DAPK1: variants seen among roughly 807,000 people sequenced by gnomAD.
DAPK1 encodes the protein death-associated protein kinase 1.
Under a neutral mutation model 144.9 loss-of-function variants are expected in DAPK1, and 56 were observed. That is an observed-to-expected ratio of 0.39 (90% confidence interval 0.31 to 0.48). DAPK1 has a LOEUF of 0.48. Among genes scored for constraint, DAPK1 ranks in the 20% least tolerant of loss-of-function variants. DAPK1 has a pLI of 0.95. For missense variants in DAPK1, 1,454 were observed against 1,875.4 expected, an observed-to-expected ratio of 0.78 and a Z score of 4.15; for synonymous variants, 690 against 749.0, an observed-to-expected ratio of 0.92 and a Z score of 1.29.
chr9:87,623,808 C>T lies in DAPK1; in HGVS notation c.285-14135C>T, dbSNP rs141493440. On this transcript the variant is annotated intron_variant, in intron 3 of 25. Coordinates refer to ENST00000408954, the MANE Select transcript of DAPK1 (RefSeq NM_004938.4). Reference sequence around the variant, plus strand: ...CATTTGAGCTCATTTAATGTAGAGACGGTGAAAAAACATCCACCTCTGTAG... The same window carrying T: ...CATTTGAGCTCATTTAATGTAGAGATGGTGAAAAAACATCCACCTCTGTAG... 4.7e-3 allele frequency among the ~76,000 whole-genome samples: 718 copies of T among 152,162 alleles called. 6 individuals carry two copies. The highest frequency in any genetic ancestry group is 7.5e-3 in the Non-Finnish European group (513 of 68,008).
chr9:87,605,814 C>G (rs923744537), intron 3 of DAPK1, among the ~76,000 whole-genome samples: 1 of 152,180 alleles, frequency 6.6e-6, no homozygotes, highest in South Asian at 2.1e-4. Flanking sequence ...TCCCACCCCT[C>G]CAGTCCCCAG....
At chr9:87,604,132 G>C (rs1193966237) in intron 2 of DAPK1, among the ~76,000 whole-genome samples, 1 of 152,100 alleles carries the variant, frequency 6.6e-6, no homozygotes, top group Non-Finnish European at 1.5e-5. Context: ...ACTAAGAGTG[G>C]CTCTCCTCAT....
At chr9:87,511,095 T>C (rs1824823914) in intron 2 of DAPK1, among the ~76,000 whole-genome samples, 1 of 152,164 alleles carries the variant, frequency 6.6e-6, no homozygotes, top group Non-Finnish European at 1.5e-5. Flanking sequence ...GGGTGAGGGC[T>C]CACTTCTCCT....
Position 87,637,994 on chromosome 9 carries a change from T to C in DAPK1, c.336T>C (p.Thr112=). Residue 112 remains threonine, a synonymous_variant, in exon 4 of 26, where the codon ACT becomes ACC. Coordinates refer to ENST00000408954, the MANE Select transcript of DAPK1 (RefSeq NM_004938.4). ...FDFLAEKESL[T]EEEATEFLKQ... ...TCTTAGCTGAAAAGGAATCTTTAAC[T>C]GAAGAGGAAGCAACTGAATTTCTCA... The C allele has an allele frequency of 3.7e-6, 6 of 1,614,152 alleles. No individual in the cohort carries two copies. Among genetic ancestry groups the C allele is most frequent in the Admixed American group, 1.7e-5 (1 of 60,024 alleles).
intron 2 of DAPK1, among the ~76,000 whole-genome samples, chr9:87,508,482 A>C (rs7856013): frequency 0.015 from 2,212 of 151,936 alleles, 45 homozygotes; most frequent in African/African-American, 0.051. Context: ...AGCTGGGACT[A>C]CAGGTGCCCG....
intron 18 of DAPK1, among the ~76,000 whole-genome samples, chr9:87,666,448 A>T (rs1831054915): frequency 1.3e-5 from 2 of 149,154 alleles, no homozygotes; most frequent in Admixed American, 1.3e-4. Context: ...AAACATTTTT[A>T]TTTTATATAT....
chr9:87,608,348 A>G (rs907856223), intron 3 of DAPK1, among the ~76,000 whole-genome samples: 1 of 152,320 alleles, frequency 6.6e-6, no homozygotes, highest in Non-Finnish European at 1.5e-5. Context: ...ACTGAGTAGT[A>G]TTTCATTGTA....
intron 3 of DAPK1, among the ~76,000 whole-genome samples, chr9:87,618,460 C>G (rs1829175613): frequency 6.6e-6 from 1 of 152,186 alleles, no homozygotes; most frequent in African/African-American, 2.4e-5. Flanking sequence ...AAATATATTT[C>G]CACATGAAAA....
intron 3 of DAPK1, among the ~76,000 whole-genome samples, chr9:87,616,583 A>G (rs1463655450): frequency 6.6e-6 from 1 of 152,188 alleles, no homozygotes; most frequent in South Asian, 2.1e-4. Context: ...TCCTACCAGG[A>G]AACAGACGGC....
At chr9:87,623,711 A>T (rs1564028602) in intron 3 of DAPK1, among the ~76,000 whole-genome samples, 1 of 152,056 alleles carries the variant, frequency 6.6e-6, no homozygotes, top group Non-Finnish European at 1.5e-5. Context: ...AGAGGAAGGG[A>T]TTGTGCCGGG....
chr9:87,595,151 G>A (rs893492593), intron 2 of DAPK1, among the ~76,000 whole-genome samples: 1 of 152,180 alleles, frequency 6.6e-6, no homozygotes, highest in African/African-American at 2.4e-5. Context: ...CTGGACTTCA[G>A]AATGCTTCAA....
intron 3 of DAPK1, among the ~76,000 whole-genome samples, chr9:87,618,656 T>C (rs1829182737): frequency 6.6e-6 from 1 of 152,240 alleles, no homozygotes; most frequent in East Asian, 1.9e-4. Context: ...CCAGACCCAA[T>C]AGACCACCCA....
At chr9:87,564,560 C>T (rs561316208) in intron 2 of DAPK1, among the ~76,000 whole-genome samples, 202 of 125,494 alleles carry the variant, frequency 1.6e-3, no homozygotes, top group African/African-American at 5.8e-3. Context: ...TATTTCATGG[C>T]AGAAGGCAAG....
chr9:87,644,116 A>G (rs1038925701), intron 11 of DAPK1, among the ~76,000 whole-genome samples: 1 of 152,126 alleles, frequency 6.6e-6, no homozygotes, highest in Non-Finnish European at 1.5e-5. Flanking sequence ...AGTGGCAAAG[A>G]TTTATCAAAT....
chr9:87,691,716 C>T (rs1185721199), intron 21 of DAPK1, among the ~76,000 whole-genome samples: 2 of 151,938 alleles, frequency 1.3e-5, no homozygotes, highest in South Asian at 2.1e-4. Flanking sequence ...TTTTAAATTT[C>T]TCCCCTAATT....
At chr9:87,581,020 C>G (rs1827736568) in intron 2 of DAPK1, among the ~76,000 whole-genome samples, 1 of 152,232 alleles carries the variant, frequency 6.6e-6, no homozygotes, top group South Asian at 2.1e-4. Flanking sequence ...ACAGAGTTAG[C>G]AGAATGAACG....
intron 3 of DAPK1, among the ~76,000 whole-genome samples, chr9:87,610,222 A>G (rs1284388533): frequency 3.3e-5 from 5 of 152,258 alleles, no homozygotes; most frequent in Admixed American, 2.0e-4. Flanking sequence ...TCAGCATAGC[A>G]TATACCTGAA....
At chr9:87,640,038 C>T (rs1460413360) in intron 7 of DAPK1, among the ~76,000 whole-genome samples, 1 of 152,194 alleles carries the variant, frequency 6.6e-6, no homozygotes, top group Non-Finnish European at 1.5e-5. Context: ...TGAAAGAAAG[C>T]ATAGCTGTCC....
At chr9:87,578,650 AT>A (rs1827643601) in intron 2 of DAPK1, among the ~76,000 whole-genome samples, 1 of 152,208 alleles carries the variant, frequency 6.6e-6, no homozygotes, top group Non-Finnish European at 1.5e-5. Flanking sequence ...GTTGGCTATT[AT>A]CTTAAAATAC....
Sources: allele counts gnomAD v4.1 joint callset (sites outside exome capture counted in the v4.1 genomes callset), GRCh38; gene constraint gnomAD v4.1.1; transcripts MANE v1.5; gene names NCBI Gene and HGNC (gene_info 2026-07-23, HGNC 2026-07-21).